Variants in RFX4 observed in about 807,000 individuals in gnomAD.
RFX4 encodes the protein transcription factor RFX4.
In RFX4, 10 loss-of-function variants were observed where a neutral mutation model predicts 95.0. The observed-to-expected ratio is 0.11, with a 90% CI of 0.06 to 0.18. The LOEUF (loss-of-function observed/expected upper bound fraction) is 0.18. Among genes scored for constraint, RFX4 ranks in the 10% least tolerant of loss-of-function variants. The pLI is 1.00. For missense variants in RFX4, 640 were observed against 922.0 expected (o/e 0.69, Z 3.96); for synonymous variants, 321 against 340.7 (o/e 0.94, Z 0.64).
At chr12:106,619,708 T>C (rs2040142158) in intron 2 of RFX4, among the ~76,000 whole-genome samples, 1 of 152,226 alleles carries the variant, frequency 6.6e-6, no homozygotes, top group South Asian at 2.1e-4. Flanking sequence ...GGAGCTGCAG[T>C]TACATGAATA....
intron 4 of RFX4, among the ~76,000 whole-genome samples, chr12:106,675,674 C>A (rs1352852890): frequency 6.6e-6 from 1 of 152,058 alleles, no homozygotes; most frequent in South Asian, 2.1e-4. Context: ...GGTCACCCAA[C>A]AAGTGGCCCA....
chr12:106,632,733 G>A (rs1370930853), intron 2 of RFX4, among the ~76,000 whole-genome samples: 1 of 152,284 alleles, frequency 6.6e-6, no homozygotes, highest in African/African-American at 2.4e-5. Flanking sequence ...TGCCCAGGCT[G>A]GTCTGGAGCT....
chr12:106,628,595 T>A (rs564874081), intron 2 of RFX4, among the ~76,000 whole-genome samples: 7 of 152,146 alleles, frequency 4.6e-5, no homozygotes, highest in South Asian at 4.2e-4. Context: ...TACAGCCATA[T>A]GGTCCAACAA....
rs909177750 is a variant in RFX4 at position 106,746,881 on chromosome 12, T to TCCTTC, written c.1634-546_1634-542dup. 2.1e-4 allele frequency among the ~76,000 whole-genome samples: 32 copies of TCCTTC among 152,324 alleles called. 1 individual carries two copies. Among genetic ancestry groups the TCCTTC allele is most frequent in the African/African-American group, 7.5e-4 (31 of 41,564 alleles). ...CTCGCCCTCCCTTCCTTTCTTCCTA[T>TCCTTC]CCTTCCCTTCCCTTTTCTCCCTTCT... On this transcript the variant is annotated intron_variant, in intron 15 of 17. Coordinates refer to ENST00000392842, the MANE Select transcript of RFX4 (RefSeq NM_213594.3).
intron 9 of RFX4, 84 bp downstream of exon 9, chr12:106,709,514 C>A: frequency 9.9e-7 from 1 of 1,008,272 alleles, no homozygotes; most frequent in Non-Finnish European, 1.5e-6. Context: ...ATAGTAGCAG[C>A]AGCTACTGTT....
intron 4 of RFX4, among the ~76,000 whole-genome samples, chr12:106,657,839 A>G (rs954365725): frequency 1.3e-5 from 2 of 152,010 alleles, no homozygotes; most frequent in Non-Finnish European, 2.9e-5. Context: ...ATTTTTCTTT[A>G]TAGCATTTAT....
chr12:106,714,068 C>CAA (rs58283896), intron 10 of RFX4, among the ~76,000 whole-genome samples: 328 of 29,128 alleles, frequency 0.011, 2 homozygotes, highest in East Asian at 0.018. Flanking sequence ...AACTCCATCT[C>CAA]AAAAAAAAAA....
intron 4 of RFX4, among the ~76,000 whole-genome samples, chr12:106,676,472 A>G (rs2041394190): frequency 6.6e-6 from 1 of 152,262 alleles, no homozygotes; most frequent in Non-Finnish European, 1.5e-5. Flanking sequence ...GCCTCTAGGT[A>G]GACAGGTAAT....
At chr12:106,753,722 G>A (rs1439543334) in intron 17 of RFX4, among the ~76,000 whole-genome samples, 1 of 152,156 alleles carries the variant, frequency 6.6e-6, no homozygotes, top group Non-Finnish European at 1.5e-5. Flanking sequence ...AAGCTCTCAG[G>A]CACCACCCCC....
At chr12:106,609,713 T>C (rs995178607) in intron 2 of RFX4, among the ~76,000 whole-genome samples, 1 of 152,014 alleles carries the variant, frequency 6.6e-6, no homozygotes. Context: ...ACATAAAGTA[T>C]ACAAATCTTG....
chr12:106,675,103 C>A (rs187772345), intron 4 of RFX4, among the ~76,000 whole-genome samples: 3 of 152,288 alleles, frequency 2.0e-5, no homozygotes, highest in African/African-American at 7.2e-5. Context: ...ATCTATTGCA[C>A]AGCATGGTAA....
At chr12:106,583,554 A>C (rs1482445639) in intron 1 of RFX4, 191 bp downstream of exon 1, 1 of 495,822 alleles carries the variant, frequency 2.0e-6, no homozygotes. Flanking sequence ...AAGTATGTGT[A>C]TAAGCGTGTG....
chr12:106,753,537 G>T (rs1317335077), intron 17 of RFX4, among the ~76,000 whole-genome samples: 1 of 152,074 alleles, frequency 6.6e-6, no homozygotes, highest in Non-Finnish European at 1.5e-5. Context: ...GTATCCTCAG[G>T]TCACAGCACT....
chr12:106,729,488 G>A lies in RFX4; in HGVS notation c.1352-2642G>A, dbSNP rs142167260. On this transcript the variant is annotated intron_variant, in intron 13 of 17. Transcript: ENST00000392842. ...TTTACTGTCCTTTTGGAGAGCTGTA[G>A]CACATAACGATTGAGGAGCAACTTC... 3.4e-3 allele frequency among the ~76,000 whole-genome samples: 519 copies of A among 152,256 alleles called. 1 individual carries two copies. Among genetic ancestry groups the A allele is most frequent in the African/African-American group, 0.012 (493 of 41,554 alleles).
intron 3 of RFX4, among the ~76,000 whole-genome samples, chr12:106,651,403 C>A (rs2040854439): frequency 6.6e-6 from 1 of 152,124 alleles, no homozygotes; most frequent in South Asian, 2.1e-4. Flanking sequence ...CAAATGAGAC[C>A]ATGGATACCC....
intron 1 of RFX4, among the ~76,000 whole-genome samples, chr12:106,605,490 C>G (rs1247876206): frequency 2.6e-5 from 4 of 152,130 alleles, no homozygotes; most frequent in African/African-American, 9.7e-5. Flanking sequence ...AGTGTTGCAT[C>G]CACATAGTCT....
At chr12:106,749,357 A>AG (rs2042957459) in intron 16 of RFX4, among the ~76,000 whole-genome samples, 1 of 150,674 alleles carries the variant, frequency 6.6e-6, no homozygotes, top group South Asian at 2.1e-4. Context: ...GGGACATGGG[A>AG]GGAGGAGGGG....
chr12:106,704,352 C>T (rs187776351), intron 8 of RFX4, among the ~76,000 whole-genome samples: 39 of 152,320 alleles, frequency 2.6e-4, no homozygotes, highest in African/African-American at 8.9e-4. Flanking sequence ...CAATCTTAGC[C>T]TGCAAGGCTT....
At chr12:106,705,886 C>T (rs563776934) in intron 8 of RFX4, among the ~76,000 whole-genome samples, 4 of 152,250 alleles carry the variant, frequency 2.6e-5, no homozygotes, top group African/African-American at 9.6e-5. Context: ...ACTGAGGATA[C>T]AGTGATAAGC....
Sources: gnomAD v4.1 joint callset for allele counts (sites outside exome capture counted in the v4.1 genomes callset) on GRCh38, gnomAD v4.1.1 for gene constraint, MANE v1.5 for transcripts, NCBI Gene and HGNC (gene_info 2026-07-23, HGNC 2026-07-21) for gene names.